The following FHIP1A variants were observed in gnomAD, a reference collection of about 807,000 sequenced individuals.
The protein encoded by FHIP1A is FHF complex subunit HOOK-interacting protein 1A.
FHIP1A carries 61 observed loss-of-function variants against 88.6 expected under a neutral mutation model. The observed-to-expected ratio is 0.69, with a 90% CI of 0.56 to 0.85. The LOEUF is 0.85. Ranked by LOEUF, FHIP1A falls within the 40% of genes least tolerant of loss-of-function variation. FHIP1A has a pLI of 0.00. For synonymous variants in FHIP1A, 478 were observed against 496.0 expected (o/e 0.96, Z 0.48); for missense variants, 1,154 against 1,273.5 (o/e 0.91, Z 1.43).
At chr4:151,566,668 A>G (rs923291485) in intron 4 of FHIP1A, among the ~76,000 whole-genome samples, 9 of 152,112 alleles carry the variant, frequency 5.9e-5, no homozygotes, top group Non-Finnish European at 8.8e-5. Context: ...ACTTGACCAT[A>G]ATTATATCCT....
intron 9 of FHIP1A, among the ~76,000 whole-genome samples, chr4:151,641,141 G>A (rs1293330068): frequency 6.6e-6 from 1 of 152,078 alleles, no homozygotes; most frequent in Admixed American, 6.6e-5. Flanking sequence ...CTTTAATGAG[G>A]ATGATAGTGA....
chr4:151,615,931 G>A (rs1363006214), intron 7 of FHIP1A, among the ~76,000 whole-genome samples: 1 of 152,138 alleles, frequency 6.6e-6, no homozygotes, highest in Non-Finnish European at 1.5e-5. Context: ...AAGAGGAGAT[G>A]CCAGAATGGG....
intron 3 of FHIP1A, among the ~76,000 whole-genome samples, chr4:151,555,060 G>A (rs932632582): frequency 2.0e-5 from 3 of 152,070 alleles, no homozygotes; most frequent in Admixed American, 6.6e-5. Context: ...CCCAATCACA[G>A]AAGCTAGATT....
intron 7 of FHIP1A, among the ~76,000 whole-genome samples, chr4:151,608,037 CTTTTTTTTT>C (rs376335318): frequency 4.5e-5 from 3 of 67,104 alleles, no homozygotes; most frequent in African/African-American, 5.6e-5. Context: ...CTTTCTTCTT[CTTTTTTTTT>C]TTTTTTTTTT....
chr4:151,475,473 G>C (rs1170093977), intron 2 of FHIP1A, among the ~76,000 whole-genome samples: 1 of 152,140 alleles, frequency 6.6e-6, no homozygotes, highest in Non-Finnish European at 1.5e-5. Flanking sequence ...TGTAAGCAGA[G>C]ACACAAATGA....
chr4:151,629,660 C>G, intron 7 of FHIP1A, 42 bp from the exon 8 acceptor site: 1 of 1,538,862 alleles, frequency 6.5e-7, no homozygotes, highest in Non-Finnish European at 8.8e-7. Context: ...ATCACAGCAT[C>G]AAAAGGATGC....
chr4:151,577,708 T>A lies in FHIP1A; in HGVS notation c.364T>A (p.Tyr122Asn), dbSNP rs1397792310. The change falls in exon 5 of 14, where the codon TAT becomes AAT. Residue 122 changes from tyrosine (Y) to asparagine (N), a missense_variant. By Grantham distance (143) the Tyr-to-Asn change is moderately radical. Coordinates refer to ENST00000435205, the MANE Select transcript of FHIP1A (RefSeq NM_001109977.3). The stretch of plus-strand genomic sequence containing the variant: ...GACTAAAATTGAGCAGCTAAAGATG[T>A]ATGAGATGTTGGTCACCCAGTCGCA... The part of the protein sequence containing the change: ...DETKIEQLKM[Y>N]EMLVTQSHQP... 2.0e-5 allele frequency: 31 copies of A among 1,551,716 alleles called. No homozygotes were observed. The highest frequency in any genetic ancestry group is 2.7e-5 in the Non-Finnish European group (31 of 1,146,996).
intron 1 of FHIP1A, among the ~76,000 whole-genome samples, chr4:151,437,711 A>G (rs1728253831): frequency 6.6e-6 from 1 of 152,160 alleles, no homozygotes; most frequent in Admixed American, 6.5e-5. Context: ...CCATGGGTGG[A>G]CACACCCATA....
rs190146723 is a variant in FHIP1A, at chr4:151,656,772, G to A, written c.2743G>A (p.Val915Met). The A allele has an allele frequency of 6.4e-5, 100 of 1,551,258 alleles. No individual in the cohort carries two copies. In the African/African-American group the frequency reaches 1.3e-3, roughly 20 times the overall value. Reference sequence around the variant, plus strand: ...CTGTTTTTGACAGGTCCTTGCATCTGTGAAAAACAAGATTGAACAGTTTGC... The same window carrying A: ...CTGTTTTTGACAGGTCCTTGCATCTATGAAAAACAAGATTGAACAGTTTGC... Reference protein sequence around the residue: ...VRSLYQVLASVKNKIEQFASV... With the variant: ...VRSLYQVLASMKNKIEQFASV... Residue 915 changes from valine to methionine, a missense_variant, in exon 13 of 14, where the codon GTG becomes ATG. Physicochemically the swap from Val to Met is conservative, Grantham distance 21 (BLOSUM62 1). Transcript: ENST00000435205. The surrounding 1 kb of genome is among the most constrained non-coding windows in gnomAD (Gnocchi z 4.2).
chr4:151,572,008 G>A (rs1733619969), intron 4 of FHIP1A, among the ~76,000 whole-genome samples: 1 of 152,178 alleles, frequency 6.6e-6, no homozygotes, highest in Non-Finnish European at 1.5e-5. Flanking sequence ...AGGAGTTTGA[G>A]ACCAGCCTGG....
At chr4:151,455,697 C>T (rs1419802940) in intron 2 of FHIP1A, among the ~76,000 whole-genome samples, 2 of 152,134 alleles carry the variant, frequency 1.3e-5, no homozygotes, top group African/African-American at 4.8e-5. Flanking sequence ...GTCAGTGGGA[C>T]CACATTTCAG....
At chr4:151,428,094 T>C (rs917302314) in intron 1 of FHIP1A, among the ~76,000 whole-genome samples, 4 of 152,212 alleles carry the variant, frequency 2.6e-5, no homozygotes, top group Admixed American at 1.3e-4. Context: ...TATATGCTTT[T>C]GTGCAAAGAA....
intron 9 of FHIP1A, among the ~76,000 whole-genome samples, chr4:151,643,448 C>T (rs1003753866): frequency 1.6e-4 from 24 of 152,252 alleles, no homozygotes; most frequent in Admixed American, 7.2e-4. Flanking sequence ...TTTATCATTT[C>T]TTTGTGTTGG....
intron 11 of FHIP1A, among the ~76,000 whole-genome samples, chr4:151,652,228 T>G (rs1421501507): frequency 6.6e-6 from 1 of 152,232 alleles, no homozygotes; most frequent in Admixed American, 6.5e-5. Flanking sequence ...ATAATACACC[T>G]GAGAACTGAC....
intron 2 of FHIP1A, among the ~76,000 whole-genome samples, chr4:151,474,680 G>T (rs769857132): frequency 1.3e-5 from 2 of 152,226 alleles, no homozygotes; most frequent in African/African-American, 2.4e-5. Flanking sequence ...TTCAGTATGT[G>T]TGTCTGCCCA....
chr4:151,484,900 G>A (rs573110776), intron 3 of FHIP1A, among the ~76,000 whole-genome samples: 27 of 152,324 alleles, frequency 1.8e-4, no homozygotes, highest in Middle Eastern at 3.4e-3. Flanking sequence ...TGCCAGGAAT[G>A]TCTGAGTCAT....
chr4:151,549,159 T>C (rs1732624403), intron 3 of FHIP1A, among the ~76,000 whole-genome samples: 1 of 152,068 alleles, frequency 6.6e-6, no homozygotes, highest in Non-Finnish European at 1.5e-5. Context: ...AAAGGTGACT[T>C]AGGTCACAGC....
intron 7 of FHIP1A, among the ~76,000 whole-genome samples, chr4:151,601,605 A>G (rs186739338): frequency 5.3e-5 from 8 of 149,772 alleles, no homozygotes; most frequent in Admixed American, 4.7e-4. Context: ...CATACTAGAT[A>G]TGAATAAATG....
intron 11 of FHIP1A, among the ~76,000 whole-genome samples, chr4:151,654,617 C>G (rs1283949469): frequency 6.6e-6 from 1 of 152,162 alleles, no homozygotes; most frequent in African/African-American, 2.4e-5. Flanking sequence ...GCAGCCTTCC[C>G]CCTCTAGATC....
Sources: gnomAD v4.1 joint callset for allele counts (sites outside exome capture counted in the v4.1 genomes callset) on GRCh38, gnomAD v4.1.1 for gene constraint, Gnocchi (gnomAD v3.1) non-coding constraint, MANE v1.5 for transcripts, NCBI Gene and HGNC (gene_info 2026-07-23, HGNC 2026-07-21) for gene names.